NELL1: variants seen among roughly 807,000 people sequenced by gnomAD.
NELL1 encodes the protein neural EGFL like 1.
In NELL1, 76 loss-of-function variants were observed where a neutral mutation model predicts 107.4. That is an observed-to-expected ratio of 0.71 (90% confidence interval 0.59 to 0.86). The LOEUF is 0.86. Among genes scored for constraint, NELL1 ranks in the 40% least tolerant of loss-of-function variants. The pLI, the probability that NELL1 is intolerant of heterozygous loss-of-function variation, is 0.00. For synonymous variants in NELL1, 353 were observed against 341.2 expected, an observed-to-expected ratio of 1.03 and a Z score of -0.38; for missense variants, 1,024 against 1,005.5, an observed-to-expected ratio of 1.02 and a Z score of -0.25.
intron 4 of NELL1, among the ~76,000 whole-genome samples, chr11:20,850,069 G>A (rs1316383618): frequency 2.0e-5 from 3 of 152,188 alleles, no homozygotes; most frequent in Non-Finnish European, 2.9e-5. Context: ...AAATGAAGTC[G>A]TGGAAGACCA....
At chr11:21,013,464 A>G (rs917404041) in intron 12 of NELL1, among the ~76,000 whole-genome samples, 1 of 152,144 alleles carries the variant, frequency 6.6e-6, no homozygotes, top group African/African-American at 2.4e-5. Flanking sequence ...GCTATGGACA[A>G]GGCATCCAAG....
At chr11:20,918,287 A>G in intron 6 of NELL1, 33 bp downstream of exon 6, 2 of 1,264,656 alleles carry the variant, frequency 1.6e-6, no homozygotes, top group Non-Finnish European at 2.3e-6. Context: ...GTGATATATT[A>G]TATAACTTGT....
chr11:20,706,779 A>G (rs1001456361), intron 2 of NELL1, among the ~76,000 whole-genome samples: 7 of 152,232 alleles, frequency 4.6e-5, no homozygotes, highest in Admixed American at 1.3e-4. Flanking sequence ...CTTTGTGGGT[A>G]ACCCAACCTT....
intron 13 of NELL1, among the ~76,000 whole-genome samples, chr11:21,172,844 G>T (rs1438945762): frequency 6.6e-6 from 1 of 151,744 alleles, no homozygotes; most frequent in Admixed American, 6.6e-5. Flanking sequence ...TAAAGAAGTG[G>T]AGGAAAATGG....
At chr11:20,836,769 A>C (rs1041875136) in intron 3 of NELL1, among the ~76,000 whole-genome samples, 2 of 151,864 alleles carry the variant, frequency 1.3e-5, no homozygotes, top group Non-Finnish European at 2.9e-5. Context: ...AAAAGATAAC[A>C]AACAGATTAA....
chr11:21,175,119 G>A (rs941953359), intron 13 of NELL1, among the ~76,000 whole-genome samples: 8 of 151,852 alleles, frequency 5.3e-5, no homozygotes, highest in Non-Finnish European at 8.8e-5. Flanking sequence ...TCTAAAATTA[G>A]TAGCAGCGTA....
intron 12 of NELL1, among the ~76,000 whole-genome samples, chr11:21,089,349 A>G (rs1328135475): frequency 6.6e-6 from 1 of 152,208 alleles, no homozygotes; most frequent in Non-Finnish European, 1.5e-5. Flanking sequence ...AATTCATCCA[A>G]ACATTTAAAT....
At chr11:21,140,872 G>T (rs1421022407) in intron 13 of NELL1, among the ~76,000 whole-genome samples, 3 of 152,186 alleles carry the variant, frequency 2.0e-5, no homozygotes, top group Non-Finnish European at 4.4e-5. Flanking sequence ...GTTAGTGACA[G>T]TACTGGGAAT....
At chr11:21,428,507 C>T (rs1306614471) in intron 15 of NELL1, among the ~76,000 whole-genome samples, 1 of 152,084 alleles carries the variant, frequency 6.6e-6, no homozygotes, top group East Asian at 1.9e-4. Context: ...ATATTCATTT[C>T]TTCCACTTCC....
chr11:20,784,896 A>G (rs1000568447), intron 3 of NELL1, among the ~76,000 whole-genome samples: 1 of 152,216 alleles, frequency 6.6e-6, no homozygotes, highest in African/African-American at 2.4e-5. Context: ...AGAATAAAAA[A>G]GAGTCAATAA....
intron 11 of NELL1, among the ~76,000 whole-genome samples, chr11:20,952,972 A>G (rs1217474600): frequency 6.6e-6 from 1 of 152,116 alleles, no homozygotes; most frequent in Non-Finnish European, 1.5e-5. Context: ...AAGCTTAAGG[A>G]TTATTCTCAC....
chr11:20,891,022 A>G (rs1272310519), intron 5 of NELL1, among the ~76,000 whole-genome samples: 2 of 152,014 alleles, frequency 1.3e-5, no homozygotes, highest in African/African-American at 4.8e-5. Context: ...CCATTAAGAT[A>G]CTCTACGAGA....
At chr11:21,059,299 A>C (rs1853683068) in intron 12 of NELL1, among the ~76,000 whole-genome samples, 1 of 151,792 alleles carries the variant, frequency 6.6e-6, no homozygotes, top group South Asian at 2.1e-4. Flanking sequence ...TCTGCAGATA[A>C]AAAATGTACC....
Position 20,925,171 on chromosome 11 carries a change from G to C in NELL1, c.760-2137G>C, listed in dbSNP as rs529039693. On this transcript the variant is annotated intron_variant, in intron 7 of 19. Coordinates refer to ENST00000357134, the MANE Select transcript of NELL1 (RefSeq NM_006157.5). Reference sequence around the variant, plus strand: ...TATGCCATCATCCCTCAGTGTCCAAGAGTATCACCAAACTCAGCAGTGTAT... The same window carrying C: ...TATGCCATCATCCCTCAGTGTCCAACAGTATCACCAAACTCAGCAGTGTAT... 2.6e-5 allele frequency among the ~76,000 whole-genome samples: 4 copies of C among 152,302 alleles called. No individual in the cohort carries two copies. The South Asian group carries it at 6.2e-4, about 24-fold the overall frequency.
intron 2 of NELL1, among the ~76,000 whole-genome samples, chr11:20,756,794 T>C (rs1856303365): frequency 6.6e-6 from 1 of 152,106 alleles, no homozygotes; most frequent in Non-Finnish European, 1.5e-5. Context: ...CACATATCCC[T>C]GAGAGAGGGG....
chr11:20,690,636 A>G (rs375432379), intron 2 of NELL1, among the ~76,000 whole-genome samples: 11 of 150,598 alleles, frequency 7.3e-5, no homozygotes, highest in Admixed American at 2.0e-4. Context: ...TGTTCCATTG[A>G]TCTATATCTC....
intron 2 of NELL1, among the ~76,000 whole-genome samples, chr11:20,698,703 T>C (rs959625762): frequency 1.6e-4 from 24 of 152,170 alleles, no homozygotes; most frequent in African/African-American, 5.8e-4. Flanking sequence ...ATGGATAAGT[T>C]ATTTAGTGGT....
Position 20,772,003 on chromosome 11 carries a change from T to C in NELL1, c.185-11677T>C, listed in dbSNP as rs80309286. On this transcript the variant is annotated intron_variant, in intron 2 of 19. Coordinates refer to ENST00000357134, the MANE Select transcript of NELL1 (RefSeq NM_006157.5). ...AGTAACATGTAAAAATGATTTATAA[T>C]GAATAATCATAAATTACAGAGCTTG... is the stretch of plus-strand genomic sequence containing the variant. Among the ~76,000 whole-genome samples the C allele has an allele frequency of 2.2e-3, 329 of 152,352 alleles. 12 individuals carry two copies. The East Asian group carries it at 0.057, about 27-fold the overall frequency.
intron 5 of NELL1, among the ~76,000 whole-genome samples, chr11:20,908,976 C>T (rs923226074): frequency 1.3e-5 from 2 of 152,120 alleles, no homozygotes; most frequent in Admixed American, 6.5e-5. Flanking sequence ...TATATGTATC[C>T]AGTGGGATAT....
Sources: gnomAD v4.1 joint callset for allele counts (sites outside exome capture counted in the v4.1 genomes callset) on GRCh38, gnomAD v4.1.1 for gene constraint, MANE v1.5 for transcripts, NCBI Gene and HGNC (gene_info 2026-07-23, HGNC 2026-07-21) for gene names.